DMBT1: variants seen among roughly 807,000 people sequenced by gnomAD.
The protein encoded by DMBT1 is scavenger receptor cysteine-rich domain-containing protein DMBT1.
A neutral mutation model predicts 252.9 loss-of-function variants in DMBT1; 198 were observed. That is an observed-to-expected ratio of 0.78 (90% CI 0.70 to 0.88). The LOEUF (loss-of-function observed/expected upper bound fraction) is 0.88. Ranked by LOEUF, DMBT1 falls within the 40% of genes least tolerant of loss-of-function variation. The pLI is 0.00. For synonymous variants in DMBT1, 990 were observed against 942.7 expected, an observed-to-expected ratio of 1.05 and a Z score of -0.92; for missense variants, 2,432 against 2,404.7, an observed-to-expected ratio of 1.01 and a Z score of -0.24.
chr10:122,626,178 C>T (rs2098117732), intron 46 of DMBT1, among the ~76,000 whole-genome samples: 1 of 152,180 alleles, frequency 6.6e-6, no homozygotes, highest in South Asian at 2.1e-4. Context: ...TGGGGGGTAT[C>T]TCCAAAGCTT....
intron 6 of DMBT1, among the ~76,000 whole-genome samples, chr10:122,575,470 C>A (rs563573982): frequency 6.6e-6 from 1 of 152,266 alleles, no homozygotes; most frequent in South Asian, 2.1e-4. Context: ...AGTTTACTTT[C>A]AGCCCATGAG....
At chr10:122,564,810 A>G (rs1343344449) in intron 1 of DMBT1, among the ~76,000 whole-genome samples, 1 of 152,202 alleles carries the variant, frequency 6.6e-6, no homozygotes, top group Non-Finnish European at 1.5e-5. Flanking sequence ...CTGAAGACTC[A>G]TAGTCTGAGA....
At chr10:122,626,031 A>C in intron 46 of DMBT1, 66 bp downstream of exon 46, 1 of 1,360,874 alleles carries the variant, frequency 7.3e-7, no homozygotes, top group Non-Finnish European at 1.1e-6. Flanking sequence ...TTGGCTATCC[A>C]TGAGCGAATG....
At chr10:122,577,299 C>A (rs1385280186) in intron 7 of DMBT1, among the ~76,000 whole-genome samples, 3 of 152,094 alleles carry the variant, frequency 2.0e-5, no homozygotes, top group African/African-American at 7.2e-5. Context: ...GGGAAGGATG[C>A]AATTGTAAAT....
intron 2 of DMBT1, 129 bp from the exon 3 acceptor site, chr10:122,570,033 G>A (rs1433204595): frequency 2.4e-6 from 2 of 850,640 alleles, no homozygotes; most frequent in African/African-American, 3.3e-5. Context: ...GCACATAGTT[G>A]GCTTTTAGCA....
rs369548157 is a variant in DMBT1, at chr10:122,578,433, G to A, written c.638-285G>A. The stretch of plus-strand genomic sequence containing the variant: ...CTTGGCAGTGGTGTCAGATGAGCCA[G>A]TCAGTCCACGCGTCAGTGGATGGTG... On this transcript the variant is annotated intron_variant, in intron 8 of 55. Coordinates refer to ENST00000338354, the MANE Select transcript of DMBT1 (RefSeq NM_001377530.1). 5.3e-5 allele frequency among the ~76,000 whole-genome samples: 8 copies of A among 152,334 alleles called. No homozygotes were observed. In the East Asian group the frequency reaches 1.2e-3, roughly 22 times the overall value.
rs780276106 is a variant in DMBT1, at chr10:122,598,993, A to G, written c.3176A>G (p.Asp1059Gly). The G allele has an allele frequency of 1.2e-6, 2 of 1,613,684 alleles. No homozygotes were observed. The highest frequency in any genetic ancestry group is 1.7e-6 in the Non-Finnish European group (2 of 1,179,722). The change falls in exon 26 of 56, where the codon GAT (aspartate) becomes GGT (glycine). Residue 1059 changes from aspartate to glycine, a missense_variant. By Grantham distance (94) the Asp-to-Gly change is moderately conservative (BLOSUM62 -1). This residue lies in a region of DMBT1 where 1,264 missense variants were observed against 1,082.2 expected (regional missense o/e 1.17). Transcript: ENST00000338354. ...GGCTCAGGACCCATTGTCCTGGATG[A>G]TGTGCGCTGCTCAGGACACGAGTCT... is the stretch of plus-strand genomic sequence containing the variant. ...GQGSGPIVLD[D>G]VRCSGHESYL...
At chr10:122,578,900 G>T in intron 9 of DMBT1, 141 bp downstream of exon 9, 1 of 794,754 alleles carries the variant, frequency 1.3e-6, no homozygotes, top group Non-Finnish European at 2.1e-6. Context: ...GTGATAAACA[G>T]TTGGCTCAAG....
At chr10:122,563,314 G>A (rs1203516810) in intron 1 of DMBT1, among the ~76,000 whole-genome samples, 1 of 152,180 alleles carries the variant, frequency 6.6e-6, no homozygotes, top group African/African-American at 2.4e-5. Context: ...CACATAGACA[G>A]AGCCTCAGAA....
chr10:122,591,607 G>T, intron 19 of DMBT1, 90 bp downstream of exon 19: 1 of 1,388,036 alleles, frequency 7.2e-7, no homozygotes, highest in South Asian at 1.3e-5. Flanking sequence ...GGTCAAGGTG[G>T]GCCCCTGTCT....
intron 16 of DMBT1, 77 bp from the exon 17 acceptor site, chr10:122,588,867 G>A: frequency 6.3e-7 from 1 of 1,575,808 alleles, no homozygotes; most frequent in South Asian, 1.2e-5. Flanking sequence ...ATTAGGAAGT[G>A]CCCTGAGTGT....
chr10:122,572,402 C>G, intron 5 of DMBT1, 41 bp downstream of exon 5: 1 of 1,605,630 alleles, frequency 6.2e-7, no homozygotes, highest in Admixed American at 1.7e-5. Context: ...CTCATTACCC[C>G]TCTGTACTCC....
intron 25 of DMBT1, among the ~76,000 whole-genome samples, chr10:122,598,369 C>T (rs1424547746): frequency 2.0e-5 from 3 of 152,160 alleles, no homozygotes; most frequent in East Asian, 3.9e-4. Flanking sequence ...TGTCCCCACA[C>T]CTGTCTGGCC....
Position 122,637,330 on chromosome 10 carries a change from C to T in DMBT1, c.6942+18C>T. 3.8e-6 allele frequency: 6 copies of T among 1,579,058 alleles called. No individual in the cohort carries two copies. The highest frequency in any genetic ancestry group is 5.2e-6 in the Non-Finnish European group (6 of 1,160,756). On this transcript the variant is annotated intron_variant, in intron 54 of 55. Transcript: ENST00000338354. ...TCAAGCAGGTAAGCCTGGGGCTTCC[C>T]ATTCCATTTCCCAGTGCACAAGCTT... is the stretch of plus-strand genomic sequence containing the variant.
chr10:122,643,598 A>AGAACTCTCTTGACCTC lies in DMBT1; in HGVS notation c.*200_*201insGAACTCTCTTGACCTC. 1.4e-6 allele frequency: 1 copy of AGAACTCTCTTGACCTC among 717,574 alleles called. No homozygotes were observed. Among genetic ancestry groups the AGAACTCTCTTGACCTC allele is most frequent in the Non-Finnish European group, 2.2e-6 (1 of 446,964 alleles). The allele number at this position is 717,574 out of a possible 1,614,324, so 44.5% of individuals were successfully genotyped here. A position where few individuals can be genotyped will look rare whatever the true frequency, so the allele number is the denominator to read the frequency against. ...GGAGGACCCGTTGCAGGGTGAGGTCAAGAGAGTTCTGACCTGGATGGCCCA... is the reference window on the plus strand; with the variant it reads ...GGAGGACCCGTTGCAGGGTGAGGTCAGAACTCTCTTGACCTCAGAGAGTTCTGACCTGGATGGCCCA... On this transcript the variant is annotated 3_prime_UTR_variant, in exon 56 of 56. Transcript: ENST00000338354.
chr10:122,592,803 A>G (rs2097860159), intron 20 of DMBT1, among the ~76,000 whole-genome samples: 1 of 148,682 alleles, frequency 6.7e-6, no homozygotes, highest in African/African-American at 2.4e-5. Context: ...CCAAACTGAA[A>G]CAACAACCCA....
chr10:122,628,783 A>G (rs1162796657), intron 46 of DMBT1, among the ~76,000 whole-genome samples: 1 of 152,258 alleles, frequency 6.6e-6, no homozygotes, highest in Non-Finnish European at 1.5e-5. Context: ...GCAAATCTAT[A>G]GAGACAGAAA....
chr10:122,626,673 A>T (rs764318071), intron 46 of DMBT1, among the ~76,000 whole-genome samples: 31 of 152,210 alleles, frequency 2.0e-4, no homozygotes, highest in Non-Finnish European at 4.0e-4. Context: ...TTGTAAAATT[A>T]TGGAATGATG....
intron 18 of DMBT1, 131 bp from the exon 19 acceptor site, chr10:122,591,348 C>T (rs2097847668): frequency 8.4e-6 from 9 of 1,070,106 alleles, no homozygotes; most frequent in Non-Finnish European, 1.1e-5. Flanking sequence ...TGGGCAGACA[C>T]ATGGGGAGCA....
Sources: gnomAD v4.1 joint callset for allele counts (sites outside exome capture counted in the v4.1 genomes callset) on GRCh38, gnomAD v4.1.1 for gene constraint, gnomAD v4.1.1 regional missense constraint, MANE v1.5 for transcripts, NCBI Gene and HGNC (gene_info 2026-07-23, HGNC 2026-07-21) for gene names.